Variants in CNIH3 observed in about 807,000 individuals in gnomAD.
CNIH3 encodes the protein protein cornichon homolog 3.
A neutral mutation model predicts 24.1 loss-of-function variants in CNIH3; 14 were observed. The observed-to-expected ratio is 0.58, with a 90% CI of 0.38 to 0.91. The LOEUF (loss-of-function observed/expected upper bound fraction) is 0.91. CNIH3 is among the 40% of genes least tolerant of loss of function. The pLI is 0.00. For synonymous variants in CNIH3, 68 were observed against 73.8 expected (o/e 0.92, Z 0.40); for missense variants, 178 against 196.8 (o/e 0.90, Z 0.57).
chr1:224,734,534 A>G, intron 4 of CNIH3, 29 bp from the exon 5 acceptor site: 2 of 1,611,240 alleles, frequency 1.2e-6, no homozygotes, highest in Non-Finnish European at 1.7e-6. Flanking sequence ...CCAGGACCTC[A>G]GAGACAATGA....
intron 1 of CNIH3, among the ~76,000 whole-genome samples, chr1:224,454,858 C>T (rs1014309227): frequency 6.6e-6 from 1 of 151,622 alleles, no homozygotes; most frequent in Non-Finnish European, 1.5e-5. Context: ...GGATACCATA[C>T]ACATGGCAAA....
chr1:224,639,167 A>C (rs1684234696), intron 1 of CNIH3, among the ~76,000 whole-genome samples: 1 of 152,242 alleles, frequency 6.6e-6, no homozygotes, highest in African/African-American at 2.4e-5. Flanking sequence ...GGCTCAGTAC[A>C]TACTATTGAC....
intron 1 of CNIH3, among the ~76,000 whole-genome samples, chr1:224,504,991 C>G (rs1361418423): frequency 1.0e-5 from 1 of 99,834 alleles, no homozygotes; most frequent in Non-Finnish European, 2.1e-5. Context: ...TATTATTTTC[C>G]CTTTCCCTCC....
intron 1 of CNIH3, among the ~76,000 whole-genome samples, chr1:224,520,568 T>G (rs1678583189): frequency 2.0e-5 from 3 of 152,246 alleles, no homozygotes. Context: ...GAAAAAGCAT[T>G]GAATTGAATA....
chr1:224,562,883 A>T (rs1451501865), intron 3 of CNIH3, among the ~76,000 whole-genome samples: 1 of 152,130 alleles, frequency 6.6e-6, no homozygotes, highest in Non-Finnish European at 1.5e-5. Flanking sequence ...GGGGTTGGAG[A>T]GTCCTGATTA....
chr1:224,738,087 A>G (rs1420861341), intron 5 of CNIH3, among the ~76,000 whole-genome samples: 1 of 152,110 alleles, frequency 6.6e-6, no homozygotes, highest in Non-Finnish European at 1.5e-5. Context: ...ACTGGAGACC[A>G]TGTTGGTTTC....
intron 3 of CNIH3, among the ~76,000 whole-genome samples, chr1:224,547,105 T>C (rs765217121): frequency 3.3e-5 from 5 of 152,192 alleles, no homozygotes; most frequent in Non-Finnish European, 7.3e-5. Context: ...ATCTCCAAAA[T>C]TGCAAGATTT....
At chr1:224,641,932 G>A (rs972245465) in intron 1 of CNIH3, among the ~76,000 whole-genome samples, 1 of 152,128 alleles carries the variant, frequency 6.6e-6, no homozygotes, top group African/African-American at 2.4e-5. Flanking sequence ...TGCATTCAGG[G>A]TATTCCTTGA....
At chr1:224,446,212 G>GTTTTTTTTTTTTTTTT (rs35812016) in intron 1 of CNIH3, among the ~76,000 whole-genome samples, 24 of 108,890 alleles carry the variant, frequency 2.2e-4, no homozygotes, top group African/African-American at 2.6e-4. Flanking sequence ...TTTCAACTTT[G>GTTTTTTTTTTTTTTTT]TTTTTTTTTT....
At chr1:224,659,123 C>T (rs1292335150) in intron 1 of CNIH3, among the ~76,000 whole-genome samples, 2 of 152,102 alleles carry the variant, frequency 1.3e-5, no homozygotes, top group African/African-American at 4.8e-5. Flanking sequence ...GTCCCTGGGC[C>T]AAGAGGGATT....
rs73131693 is a variant in CNIH3 at position 224,523,627 on chromosome 1, C to T, written n.343+2300C>T. Among the ~76,000 whole-genome samples the T allele has an allele frequency of 2.5e-3, 384 of 152,282 alleles. 2 individuals are homozygous for T. Among genetic ancestry groups the T allele is most frequent in the African/African-American group, 8.3e-3 (345 of 41,544 alleles). On this transcript the variant is annotated intron_variant and non_coding_transcript_variant, in intron 2 of 2. Coordinates refer to the CNIH3 transcript ENST00000470602. ...ATTTCTCAACCTGGCGATGGTTACA[C>T]AGAGGTGCTTACTTTGTGATGATGT...
chr1:224,630,398 AT>A (rs2125077355), intron 1 of CNIH3, among the ~76,000 whole-genome samples: 1 of 152,172 alleles, frequency 6.6e-6, no homozygotes, highest in South Asian at 2.1e-4. Context: ...CTGGGAGACA[AT>A]TTGGGGGATG....
intron 3 of CNIH3, among the ~76,000 whole-genome samples, chr1:224,594,622 G>A (rs1681901607): frequency 6.6e-6 from 1 of 152,210 alleles, no homozygotes; most frequent in Non-Finnish European, 1.5e-5. Flanking sequence ...GGCCTTTACT[G>A]GGGTTTGCAC....
At chr1:224,696,643 A>G (rs1327794947) in intron 3 of CNIH3, among the ~76,000 whole-genome samples, 1 of 152,190 alleles carries the variant, frequency 6.6e-6, no homozygotes, top group East Asian at 1.9e-4. Context: ...GGAGCTGGGA[A>G]GTGCTGGCTG....
At position 224,437,915 on chromosome 1, in the gene CNIH3, A is replaced by T. The variant is rs975010434; in HGVS notation, n.203+3053A>T. Among the ~76,000 whole-genome samples, 23 of 143,886 alleles carry T rather than the reference A, an allele frequency of 1.6e-4. No homozygotes were observed. The South Asian group carries it at 4.6e-3, about 29-fold the overall frequency. The allele number at this position is 143,886 out of a possible 152,430, so 94.4% of individuals were successfully genotyped here. ...ATCACTAGTACTGCCCACGGCAACTATTTTTTTTTTTTTTGGAGACAGAGT... is the reference window on the plus strand; with the variant it reads ...ATCACTAGTACTGCCCACGGCAACTTTTTTTTTTTTTTTTGGAGACAGAGT... On this transcript the variant is annotated intron_variant and non_coding_transcript_variant, in intron 1 of 5. Transcript: ENST00000471578.
rs184679525 is a variant in CNIH3, at chr1:224,666,493, A to T, written c.82-14465A>T. Reference sequence around the variant, plus strand: ...CTATTTAGAAGAATCTTAATAAAGTACATAGGTATCCTCCTGGTTGGGGCG... The same window carrying T: ...CTATTTAGAAGAATCTTAATAAAGTTCATAGGTATCCTCCTGGTTGGGGCG... On this transcript the variant is annotated intron_variant, in intron 1 of 5. Coordinates refer to ENST00000272133, the MANE Select transcript of CNIH3 (RefSeq NM_152495.2). Among the ~76,000 whole-genome samples the T allele has an allele frequency of 2.6e-3, 403 of 152,352 alleles. 1 individual carries two copies. The Middle Eastern group carries it at 0.027, about 10-fold the overall frequency.
chr1:224,644,334 C>G (rs746466011), intron 1 of CNIH3, among the ~76,000 whole-genome samples: 1 of 152,156 alleles, frequency 6.6e-6, no homozygotes, highest in Non-Finnish European at 1.5e-5. Context: ...CCTTAACCTT[C>G]CGAGTAGCTG....
intron 1 of CNIH3, among the ~76,000 whole-genome samples, chr1:224,663,216 T>G (rs560958531): frequency 6.6e-6 from 1 of 152,224 alleles, no homozygotes; most frequent in East Asian, 1.9e-4. Context: ...CAAGATGAGA[T>G]GAGATCAGGC....
chr1:224,492,920 C>A (rs949796000), intron 1 of CNIH3, among the ~76,000 whole-genome samples: 1 of 152,182 alleles, frequency 6.6e-6, no homozygotes, highest in African/African-American at 2.4e-5. Context: ...GAAAAGCAGG[C>A]ACCATCTGTT....
Sources: allele counts gnomAD v4.1 joint callset (sites outside exome capture counted in the v4.1 genomes callset), GRCh38; gene constraint gnomAD v4.1.1; transcripts MANE v1.5; gene names NCBI Gene and HGNC (gene_info 2026-07-23, HGNC 2026-07-21).